Variants in NALF1 observed in about 807,000 individuals in gnomAD.
NALF1 encodes the protein NALCN channel auxiliary factor 1, also known as family with sequence similarity 155 member A.
In NALF1, 3 loss-of-function variants were observed where a neutral mutation model predicts 48.4. The ratio of observed to expected loss-of-function variants is 0.06; its 90% CI spans 0.03 to 0.16. The LOEUF is 0.16. Among genes scored for constraint, NALF1 ranks in the 10% least tolerant of loss-of-function variants. The pLI, the probability that NALF1 is intolerant of heterozygous loss-of-function variation, is 1.00. For synonymous variants in NALF1, 262 were observed against 245.7 expected (o/e 1.07, Z -0.62); for missense variants, 526 against 571.5 (o/e 0.92, Z 0.81).
At chr13:107,712,755 A>C (rs1420087867) in intron 1 of NALF1, among the ~76,000 whole-genome samples, 1 of 152,234 alleles carries the variant, frequency 6.6e-6, no homozygotes, top group Admixed American at 6.5e-5. Flanking sequence ...GCGTGTATGA[A>C]AAGGTACAGA....
chr13:107,284,720 C>T (rs150968213), intron 1 of NALF1, among the ~76,000 whole-genome samples: 3 of 152,240 alleles, frequency 2.0e-5, no homozygotes, highest in Non-Finnish European at 2.9e-5. Context: ...CAGTAGAGAG[C>T]TTAACTTCCT....
intron 1 of NALF1, among the ~76,000 whole-genome samples, chr13:107,562,014 A>T (rs1010715053): frequency 4.6e-5 from 7 of 152,230 alleles, no homozygotes; most frequent in African/African-American, 1.7e-4. Flanking sequence ...TGAATTTAAG[A>T]ATATTTAGTA....
chr13:107,292,191 T>G (rs942425410), intron 1 of NALF1, among the ~76,000 whole-genome samples: 43 of 152,282 alleles, frequency 2.8e-4, no homozygotes, highest in African/African-American at 1.0e-3. Flanking sequence ...GTTAAGTATT[T>G]GTGTATCTAA....
chr13:107,845,825 A>G (rs1880157005), intron 1 of NALF1, among the ~76,000 whole-genome samples: 1 of 152,128 alleles, frequency 6.6e-6, no homozygotes, highest in Non-Finnish European at 1.5e-5. Context: ...TAGCACCATA[A>G]TACTACCCAA....
intron 1 of NALF1, among the ~76,000 whole-genome samples, chr13:107,597,378 A>G (rs1049941563): frequency 1.3e-5 from 2 of 152,134 alleles, no homozygotes; most frequent in Admixed American, 6.5e-5. Flanking sequence ...TCTGTACAAG[A>G]TTTAAAGAAT....
At chr13:107,507,850 G>A (rs1412490369) in intron 1 of NALF1, among the ~76,000 whole-genome samples, 1 of 152,118 alleles carries the variant, frequency 6.6e-6, no homozygotes, top group East Asian at 1.9e-4. Context: ...ACTGCATTAA[G>A]TAGAAGACTA....
chr13:107,325,187 T>G (rs1457260665), intron 1 of NALF1, among the ~76,000 whole-genome samples: 1 of 152,198 alleles, frequency 6.6e-6, no homozygotes, highest in Non-Finnish European at 1.5e-5. Flanking sequence ...AGAAGCATAG[T>G]GTGCATATTA....
chr13:107,795,362 C>T (rs1023740988), intron 1 of NALF1, among the ~76,000 whole-genome samples: 4 of 152,212 alleles, frequency 2.6e-5, no homozygotes, highest in Admixed American at 6.5e-5. Flanking sequence ...TCATCATTCA[C>T]GTGTAACTTA....
At chr13:107,864,678 G>T (rs1880662222) in intron 1 of NALF1, among the ~76,000 whole-genome samples, 1 of 152,256 alleles carries the variant, frequency 6.6e-6, no homozygotes, top group South Asian at 2.1e-4. Flanking sequence ...CCCTACTAAA[G>T]GTCACTGCAG....
At chr13:107,734,168 C>A (rs1453351586) in intron 1 of NALF1, among the ~76,000 whole-genome samples, 7 of 152,062 alleles carry the variant, frequency 4.6e-5, no homozygotes, top group Non-Finnish European at 1.0e-4. Context: ...ATCTTATGGG[C>A]ACACCACTGT....
At chr13:107,375,063 G>T (rs2138968439) in intron 1 of NALF1, among the ~76,000 whole-genome samples, 1 of 152,132 alleles carries the variant, frequency 6.6e-6, no homozygotes, top group East Asian at 1.9e-4. Context: ...ATTTTCCCTA[G>T]TTTTATAGAA....
chr13:107,694,981 C>T (rs770520531), intron 1 of NALF1, among the ~76,000 whole-genome samples: 3 of 151,950 alleles, frequency 2.0e-5, no homozygotes, highest in African/African-American at 7.3e-5. Context: ...TTAGCAGAGA[C>T]GGGGTTTCAC....
chr13:107,860,454 A>G (rs529002171), intron 1 of NALF1, among the ~76,000 whole-genome samples: 1 of 152,324 alleles, frequency 6.6e-6, no homozygotes, highest in South Asian at 2.1e-4. Context: ...CAGAATCACC[A>G]GGGAGACTTT....
chr13:107,763,584 C>T (rs1877330880), intron 1 of NALF1, among the ~76,000 whole-genome samples: 1 of 151,880 alleles, frequency 6.6e-6, no homozygotes. Flanking sequence ...GCTTTGGGGC[C>T]TGCTTTTGCT....
chr13:107,584,417 A>G (rs1878396509), intron 1 of NALF1, among the ~76,000 whole-genome samples: 1 of 152,178 alleles, frequency 6.6e-6, no homozygotes, highest in Admixed American at 6.5e-5. Context: ...TCTAAATTTT[A>G]GACTTGAAAA....
chr13:107,694,013 A>G (rs1201582470), intron 1 of NALF1, among the ~76,000 whole-genome samples: 7 of 152,188 alleles, frequency 4.6e-5, no homozygotes, highest in African/African-American at 7.2e-5. Context: ...CCCCTTGATC[A>G]TAACACCTGA....
intron 1 of NALF1, among the ~76,000 whole-genome samples, chr13:107,635,120 G>C (rs1879939908): frequency 6.6e-6 from 1 of 152,214 alleles, no homozygotes; most frequent in African/African-American, 2.4e-5. Context: ...CTATAAACTG[G>C]TGGGCTTTTG....
At chr13:107,632,082 T>C (rs902628098) in intron 1 of NALF1, among the ~76,000 whole-genome samples, 6 of 152,186 alleles carry the variant, frequency 3.9e-5, no homozygotes, top group African/African-American at 1.4e-4. Context: ...AGATGTTTGG[T>C]TGACAAAACA....
At chr13:107,775,251 T>TGTGTCC (rs1330963791) in intron 1 of NALF1, among the ~76,000 whole-genome samples, 1 of 129,964 alleles carries the variant, frequency 7.7e-6, no homozygotes, top group East Asian at 2.6e-4. Flanking sequence ...TTCCCCTTCC[T>TGTGTCC]GTGTCCATGT....
Sources: allele counts gnomAD v4.1 joint callset (sites outside exome capture counted in the v4.1 genomes callset), GRCh38; gene constraint gnomAD v4.1.1; transcripts MANE v1.5; gene names NCBI Gene and HGNC (gene_info 2026-07-23, HGNC 2026-07-21).